Variants in SLC1A3 observed in about 807,000 individuals in gnomAD.
The protein encoded by SLC1A3 is solute carrier family 1 member 3, also known as excitatory amino acid transporter 1.
SLC1A3 carries 21 observed loss-of-function variants against 48.1 expected under a neutral mutation model. The ratio of observed to expected loss-of-function variants is 0.44; its 90% CI spans 0.31 to 0.63. SLC1A3 has a LOEUF of 0.63. SLC1A3 is among the 20% of genes least tolerant of loss of function. The pLI, the probability that SLC1A3 is intolerant of heterozygous loss-of-function variation, is 0.08. For missense variants in SLC1A3, 546 were observed against 689.0 expected (o/e 0.79, Z 2.32); for synonymous variants, 239 against 251.4 (o/e 0.95, Z 0.47).
Position 36,688,034 on chromosome 5 carries a change from G to A in SLC1A3, c.*1765G>A, listed in dbSNP as rs1413317212. 1 of 152,180 alleles carries A rather than the reference G, an allele frequency of 6.6e-6. No homozygotes were observed. The highest frequency in any genetic ancestry group is 1.5e-5 in the Non-Finnish European group (1 of 68,036). 9.4% of individuals were successfully genotyped at this position (152,180 alleles called of 1,614,324 possible). A position where few individuals can be genotyped will look rare whatever the true frequency, so the allele number is the denominator to read the frequency against. On this transcript the variant is annotated 3_prime_UTR_variant, in exon 10 of 10. Coordinates refer to ENST00000265113, the MANE Select transcript of SLC1A3 (RefSeq NM_004172.5). ...ATTCTGTGCATAAAAGTTAACATTA[G>A]GCTGTGGTGCAGTAACCATTTAATG...
In SLC1A3 at chr5:36,686,865, C is replaced by T. The variant is rs937168518; in HGVS notation, c.*596C>T. 8.5e-5 allele frequency: 14 copies of T among 163,860 alleles called. No individual in the cohort carries two copies. Among genetic ancestry groups the T allele is most frequent in the African/African-American group, 3.4e-4 (14 of 41,490 alleles). 10.2% of individuals were successfully genotyped at this position (163,860 alleles called of 1,614,324 possible). On this transcript the variant is annotated 3_prime_UTR_variant, in exon 10 of 10. Transcript: ENST00000265113. The stretch of plus-strand genomic sequence containing the variant: ...AGCAAGTCCCATCTCACCTCTAGGC[C>T]TCAGTGTCCTCATCTATAAAATGAG...
intron 2 of SLC1A3, among the ~76,000 whole-genome samples, chr5:36,626,514 C>T (rs996323469): frequency 1.3e-5 from 2 of 152,172 alleles, no homozygotes; most frequent in Admixed American, 6.5e-5. Context: ...ATCTAAAACT[C>T]GTGACAGCTT....
chr5:36,608,490 C>G lies in SLC1A3; in HGVS notation c.67C>G (p.Arg23Gly). The G allele has an allele frequency of 6.2e-7, 1 of 1,613,870 alleles. No homozygotes were observed. Among genetic ancestry groups the G allele is most frequent in the Non-Finnish European group, 8.5e-7 (1 of 1,179,826 alleles). The change falls in exon 2 of 10, where the codon CGT (arginine) becomes GGT (glycine). Residue 23 changes from arginine (R) to glycine (G), a missense_variant. Physicochemically the swap from Arg to Gly is moderately radical, Grantham distance 125. Coordinates refer to ENST00000265113, the MANE Select transcript of SLC1A3 (RefSeq NM_004172.5). ...GATGGAGAGATTCCAGCAGGGAGTC[C>G]GTAAACGCACACTTTTGGCCAAGAA... ...GRMERFQQGV[R>G]KRTLLAKKKV...
intron 2 of SLC1A3, among the ~76,000 whole-genome samples, chr5:36,628,810 TG>T (rs1407018806): frequency 6.6e-6 from 1 of 152,174 alleles, no homozygotes. Context: ...GGGAAAATTT[TG>T]GGGAGAAAAT....
At position 36,641,520 on chromosome 5, in the gene SLC1A3, C is replaced by CA. The variant is rs910804156; in HGVS notation, c.319+11940dup. ...CAATTGTAATATAGTGATTCACACA[C>CA]AAAAAAATCCCTATTATCAGCATAC... On this transcript the variant is annotated intron_variant, in intron 3 of 9. Coordinates refer to ENST00000265113, the MANE Select transcript of SLC1A3 (RefSeq NM_004172.5). Among the ~76,000 whole-genome samples the CA allele has an allele frequency of 1.9e-4, 29 of 151,702 alleles. 1 individual carries two copies. The highest frequency in any genetic ancestry group is 4.8e-4 in the African/African-American group (20 of 41,332).
In SLC1A3 at chr5:36,611,288, A is replaced by AAC. The variant is rs201708391; in HGVS notation, c.181+2685_181+2686insCA. On this transcript the variant is annotated intron_variant, in intron 2 of 9. Coordinates refer to ENST00000265113, the MANE Select transcript of SLC1A3 (RefSeq NM_004172.5). ...GTTTTTATTGCTTTTAGTAAAAAAA[A>AAC]AAAAAAAAAAAATCACTGGGAAAAC... 3.7e-3 allele frequency among the ~76,000 whole-genome samples: 560 copies of AAC among 151,224 alleles called. 14 individuals carry two copies. The East Asian group carries it at 0.051, about 14-fold the overall frequency.
At position 36,686,288 on chromosome 5, in the gene SLC1A3, T is replaced by C; in HGVS notation, c.*19T>C. On this transcript the variant is annotated 3_prime_UTR_variant, in exon 10 of 10. Transcript: ENST00000265113. ...GATGTAGACTAACATAAAGAAACAC[T>C]TTCTTGAGCACCAGGTGTTAAAAAC... 1 of 1,564,940 alleles carries C rather than the reference T, an allele frequency of 6.4e-7. No individual in the cohort carries two copies. Among genetic ancestry groups the C allele is most frequent in the Non-Finnish European group, 8.8e-7 (1 of 1,135,326 alleles).
intron 2 of SLC1A3, chr5:36,609,299 A>T (rs1246474066): frequency 3.3e-6 from 3 of 915,006 alleles, no homozygotes; most frequent in Non-Finnish European, 3.9e-6. Context: ...TGATCTTAAA[A>T]GTTATAGTTT....
At chr5:36,673,896 A>C (rs2111942420) in intron 4 of SLC1A3, among the ~76,000 whole-genome samples, 153 bp from the exon 5 acceptor site, 1 of 152,314 alleles carries the variant, frequency 6.6e-6, no homozygotes, top group African/African-American at 2.4e-5. Context: ...AGGACCATAT[A>C]TTCTTTTCAA....
At chr5:36,657,172 T>G (rs1243318782) in intron 3 of SLC1A3, among the ~76,000 whole-genome samples, 1 of 152,226 alleles carries the variant, frequency 6.6e-6, no homozygotes, top group Non-Finnish European at 1.5e-5. Flanking sequence ...ACTGATTCTT[T>G]TAGGAAAACA....
In SLC1A3 at chr5:36,672,785, A is replaced by G. The variant is rs187199092; in HGVS notation, c.525-1264A>G. 1.7e-3 allele frequency among the ~76,000 whole-genome samples: 258 copies of G among 152,336 alleles called. 3 individuals are homozygous for G. The highest frequency in any genetic ancestry group is 3.2e-4 in the Non-Finnish European group (22 of 68,034). Reference sequence around the variant, plus strand: ...TGATCTGCAGGTATCAAGCCACCCTATAACATTATTTCATACCAAGTTGAC... The same window carrying G: ...TGATCTGCAGGTATCAAGCCACCCTGTAACATTATTTCATACCAAGTTGAC... On this transcript the variant is annotated intron_variant, in intron 4 of 9. Coordinates refer to ENST00000265113, the MANE Select transcript of SLC1A3 (RefSeq NM_004172.5).
rs1432061964 is a variant in SLC1A3 at position 36,674,095 on chromosome 5, A to T, written c.567+4A>T. The T allele has an allele frequency of 3.1e-6, 5 of 1,611,076 alleles. No individual in the cohort carries two copies. Among genetic ancestry groups the T allele is most frequent in the Non-Finnish European group, 4.2e-6 (5 of 1,177,478 alleles). The stretch of plus-strand genomic sequence containing the variant: ...GGTAGAAGCCTGCTTTAAACAGGTA[A>T]ACACTCTACAGACATTAACTTGCCT... On this transcript the variant is annotated splice_donor_region_variant and intron_variant, in intron 5 of 9. Transcript: ENST00000265113.
At chr5:36,675,770 G>C (rs1285170484) in intron 5 of SLC1A3, among the ~76,000 whole-genome samples, 1 of 152,196 alleles carries the variant, frequency 6.6e-6, no homozygotes, top group African/African-American at 2.4e-5. Flanking sequence ...TCATGAATGT[G>C]TCCATAGTAT....
intron 2 of SLC1A3, among the ~76,000 whole-genome samples, chr5:36,614,466 G>A (rs1016822154): frequency 4.6e-5 from 7 of 152,106 alleles, no homozygotes; most frequent in South Asian, 4.1e-4. Context: ...GCTTTTAGAT[G>A]CAGAAATGAA....
chr5:36,603,371 C>T (rs536106055), upstream of SLC1A3, among the ~76,000 whole-genome samples: 65 of 152,332 alleles, frequency 4.3e-4, 1 homozygote, highest in African/African-American at 1.5e-3. Flanking sequence ...GGGCCCTGTC[C>T]TGGCCCACTG....
chr5:36,682,555 C>G (rs552793984), intron 8 of SLC1A3, among the ~76,000 whole-genome samples: 2 of 152,208 alleles, frequency 1.3e-5, no homozygotes, highest in Non-Finnish European at 2.9e-5. Flanking sequence ...ATAACAGTAA[C>G]AGTGACAAGC....
chr5:36,686,340 C>A lies in SLC1A3; in HGVS notation c.*71C>A. The A allele has an allele frequency of 1.7e-6, 2 of 1,181,170 alleles. No homozygotes were observed. Among genetic ancestry groups the A allele is most frequent in the Non-Finnish European group, 2.5e-6 (2 of 787,404 alleles). The allele number at this position is 1,181,170 out of a possible 1,614,324, so 73.2% of individuals were successfully genotyped here. A position where few individuals can be genotyped will look rare whatever the true frequency, so the allele number is the denominator to read the frequency against. On this transcript the variant is annotated 3_prime_UTR_variant, in exon 10 of 10. Coordinates refer to ENST00000265113, the MANE Select transcript of SLC1A3 (RefSeq NM_004172.5). Reference sequence around the variant, plus strand: ...ATTATAAAATCTTTCCATCTCATTACAGCTCATTCGCTCCAGCAAGCCCGT... The same window carrying A: ...ATTATAAAATCTTTCCATCTCATTAAAGCTCATTCGCTCCAGCAAGCCCGT...
chr5:36,661,034 C>T (rs80161053), intron 3 of SLC1A3, among the ~76,000 whole-genome samples: 2 of 152,318 alleles, frequency 1.3e-5, no homozygotes, highest in African/African-American at 4.8e-5. Context: ...TCATTTTGCA[C>T]ACTCTTTTTA....
intron 3 of SLC1A3, among the ~76,000 whole-genome samples, chr5:36,641,344 C>T (rs2111808354): frequency 6.6e-6 from 1 of 152,092 alleles, no homozygotes; most frequent in South Asian, 2.1e-4. Flanking sequence ...TAACTTTTCC[C>T]GAGTTTGTTT....
Sources: allele counts gnomAD v4.1 joint callset (sites outside exome capture counted in the v4.1 genomes callset), GRCh38; gene constraint gnomAD v4.1.1; transcripts MANE v1.5; gene names NCBI Gene and HGNC (gene_info 2026-07-23, HGNC 2026-07-21).